The following TNKS variants were observed in gnomAD, a reference collection of about 807,000 sequenced individuals.
TNKS encodes tankyrase, also known as poly [ADP-ribose] polymerase tankyrase-1.
A neutral mutation model predicts 135.8 loss-of-function variants in TNKS; 72 were observed. The ratio of observed to expected loss-of-function variants is 0.53; its 90% CI spans 0.44 to 0.64. The LOEUF is 0.64. Ranked by LOEUF, TNKS falls within the 30% of genes least tolerant of loss-of-function variation. The probability of loss-of-function intolerance (pLI) is 0.00; values close to 1 mark genes in which losing one functional copy is unlikely to be tolerated. For synonymous variants in TNKS, 849 were observed against 649.3 expected, an observed-to-expected ratio of 1.31 and a Z score of -4.68; for missense variants, 1,769 against 1,674.0, an observed-to-expected ratio of 1.06 and a Z score of -0.99.
At chr8:9,670,167 A>G (rs1802209458) in intron 3 of TNKS, 2 of 152,344 alleles carry the variant, frequency 1.3e-5, no homozygotes, top group East Asian at 1.9e-4. Context: ...AATGTTTATT[A>G]TGATTTCAGA....
intron 5 of TNKS, among the ~76,000 whole-genome samples, chr8:9,692,238 C>T (rs185499324): frequency 4.6e-5 from 7 of 152,154 alleles, no homozygotes; most frequent in African/African-American, 1.7e-4. Context: ...GTTTTCCCAT[C>T]GTTGTGTTCA....
intron 25 of TNKS, among the ~76,000 whole-genome samples, chr8:9,766,694 C>A (rs1004081968): frequency 6.6e-6 from 1 of 152,050 alleles, no homozygotes; most frequent in Admixed American, 6.6e-5. Context: ...CCATGTTGGC[C>A]AAGCTGGTCT....
intron 3 of TNKS, among the ~76,000 whole-genome samples, chr8:9,634,902 G>A (rs1448771857): frequency 1.3e-5 from 2 of 152,202 alleles, no homozygotes; most frequent in Non-Finnish European, 2.9e-5. Context: ...GCTCGGCCGG[G>A]CGCGGTGGCT....
At chr8:9,714,313 A>G (rs1226353544) in intron 11 of TNKS, among the ~76,000 whole-genome samples, 3 of 141,994 alleles carry the variant, frequency 2.1e-5, no homozygotes, top group East Asian at 2.0e-4. Flanking sequence ...TGATATGTGA[A>G]GCAACCGCCC....
At chr8:9,648,325 C>T (rs1240081080) in intron 3 of TNKS, among the ~76,000 whole-genome samples, 1 of 152,018 alleles carries the variant, frequency 6.6e-6, no homozygotes, top group Non-Finnish European at 1.5e-5. Flanking sequence ...TAACACTTAG[C>T]ATAAAACACA....
intron 26 of TNKS, among the ~76,000 whole-genome samples, chr8:9,773,953 C>G (rs1808086688): frequency 6.6e-6 from 1 of 152,080 alleles, no homozygotes; most frequent in Non-Finnish European, 1.5e-5. Context: ...ATCTTTCACT[C>G]TTAATGTTTA....
At position 9,781,785 on chromosome 8, in the gene TNKS, G is replaced by A. The variant is rs559135594; in HGVS notation, c.*5049G>A. On this transcript the variant is annotated 3_prime_UTR_variant, in exon 27 of 27. Transcript: ENST00000310430. ...TTGGTCTGTGTGAGCAACCAGTGTA[G>A]TGACTCTTTGGTTCATTATTCGTGT... 6.5e-6 allele frequency: 1 copy of A among 152,744 alleles called. No individual in the cohort carries two copies. Among genetic ancestry groups the A allele is most frequent in the African/African-American group, 2.4e-5 (1 of 41,564 alleles). The allele number at this position is 152,744 out of a possible 1,614,324, so 9.5% of individuals were successfully genotyped here.
Position 9,709,961 on chromosome 8 carries a change from G to T in TNKS, c.1585G>T (p.Ala529Ser). 6.2e-7 allele frequency: 1 copy of T among 1,613,534 alleles called. No individual in the cohort carries two copies. Among genetic ancestry groups the T allele is most frequent in the African/African-American group, 1.3e-5 (1 of 75,038 alleles). Residue 529 changes from alanine to serine, a missense_variant, in exon 10 of 27, where the codon GCT (alanine) becomes TCT (serine). By Grantham distance (99) the Ala-to-Ser change is moderately conservative. Coordinates refer to ENST00000310430, the MANE Select transcript of TNKS (RefSeq NM_003747.3). Reference sequence around the variant, plus strand: ...GGTTTTGTTTACTTTATAGCACTGTGCTGTGGCCTCTCTGCATCCCAAACG... The same window carrying T: ...GGTTTTGTTTACTTTATAGCACTGTTCTGTGGCCTCTCTGCATCCCAAACG... Reference protein sequence around the residue: ...PQSHETALHCAVASLHPKRKQ... With the variant: ...PQSHETALHCSVASLHPKRKQ...
intron 19 of TNKS, 92 bp from the exon 20 acceptor site, chr8:9,752,452 A>C: frequency 3.6e-6 from 3 of 844,788 alleles, no homozygotes; most frequent in East Asian, 5.0e-5. Context: ...TCTGACAGCC[A>C]AGGTTGTCAG....
chr8:9,583,772 C>T (rs1798261109), intron 2 of TNKS, among the ~76,000 whole-genome samples: 1 of 151,630 alleles, frequency 6.6e-6, no homozygotes, highest in Non-Finnish European at 1.5e-5. Flanking sequence ...TAGGCGTGAG[C>T]CACCGCACCC....
chr8:9,691,811 T>G (rs971954177), intron 5 of TNKS, among the ~76,000 whole-genome samples: 1 of 152,204 alleles, frequency 6.6e-6, no homozygotes, highest in Non-Finnish European at 1.5e-5. Context: ...TTTATTTTAT[T>G]TAGTCATTGC....
chr8:9,661,491 C>T (rs964782518), intron 3 of TNKS, among the ~76,000 whole-genome samples: 142 of 152,000 alleles, frequency 9.3e-4, no homozygotes, highest in Non-Finnish European at 1.7e-3. Flanking sequence ...GGAAAGGATT[C>T]CCTATTTAAT....
At chr8:9,658,067 A>G (rs1801502671) in intron 3 of TNKS, among the ~76,000 whole-genome samples, 1 of 82,592 alleles carries the variant, frequency 1.2e-5, no homozygotes, top group Non-Finnish European at 2.5e-5. Context: ...GACGCTCCTC[A>G]CTTCCTAGAT....
rs188730134 is a variant in TNKS at position 9,655,828 on chromosome 8, C to G, written c.995-24123C>G. Among the ~76,000 whole-genome samples, 289 of 151,884 alleles carry G rather than the reference C, an allele frequency of 1.9e-3. 2 individuals carry two copies. The highest frequency in any genetic ancestry group is 6.7e-3 in the African/African-American group (279 of 41,404). On this transcript the variant is annotated intron_variant, in intron 3 of 26. Transcript: ENST00000310430. ...CAGAAAAACCAGAAACTCTAAAAAT[C>G]AAAGCGCCTCTCGTCCTCCAAAGGA...
Position 9,726,734 on chromosome 8 carries a change from C to T in TNKS, c.2001+14C>T, listed in dbSNP as rs1247750047. The T allele has an allele frequency of 6.2e-7, 1 of 1,601,852 alleles. No individual in the cohort carries two copies. The highest frequency in any genetic ancestry group is 8.5e-7 in the Non-Finnish European group (1 of 1,171,106). ...GAAACTGTGAAGGTAAGTCAGTGCCCTTAATATCTGGAATAGCACTGTTGA... is the reference window on the plus strand; with the variant it reads ...GAAACTGTGAAGGTAAGTCAGTGCCTTTAATATCTGGAATAGCACTGTTGA... On this transcript the variant is annotated intron_variant, in intron 13 of 26. Coordinates refer to ENST00000310430, the MANE Select transcript of TNKS (RefSeq NM_003747.3).
At chr8:9,587,939 T>C (rs1380169720) in intron 2 of TNKS, among the ~76,000 whole-genome samples, 1 of 152,226 alleles carries the variant, frequency 6.6e-6, no homozygotes, top group East Asian at 1.9e-4. Context: ...AACTGCTTTC[T>C]TGGAAATGCT....
chr8:9,761,412 T>C (rs1039014675), intron 20 of TNKS, 104 bp from the exon 21 acceptor site: 11 of 1,227,780 alleles, frequency 9.0e-6, no homozygotes, highest in African/African-American at 1.6e-5. Flanking sequence ...CAAAAGAATT[T>C]TCTTAATTTG....
Position 9,582,365 on chromosome 8 carries a change from A to G in TNKS, c.898+1982A>G, listed in dbSNP as rs896300156. 2.6e-4 allele frequency among the ~76,000 whole-genome samples: 39 copies of G among 151,732 alleles called. 1 individual carries two copies. The highest frequency in any genetic ancestry group is 7.5e-4 in the African/African-American group (31 of 41,280). On this transcript the variant is annotated intron_variant, in intron 2 of 26. Transcript: ENST00000310430. ...TTGCTGGAGTCTAGTAGTTTTTGAGAGATTAGTATACAAAATTGATTTTTA... is the reference window on the plus strand; with the variant it reads ...TTGCTGGAGTCTAGTAGTTTTTGAGGGATTAGTATACAAAATTGATTTTTA...
chr8:9,566,810 T>G (rs1054526568), intron 1 of TNKS, among the ~76,000 whole-genome samples: 201 of 151,352 alleles, frequency 1.3e-3, no homozygotes, highest in Admixed American at 9.2e-3. Flanking sequence ...GGGTTTCACC[T>G]TGTTAGCCAG....
Sources: gnomAD v4.1 joint callset for allele counts (sites outside exome capture counted in the v4.1 genomes callset) on GRCh38, gnomAD v4.1.1 for gene constraint, MANE v1.5 for transcripts, NCBI Gene and HGNC (gene_info 2026-07-23, HGNC 2026-07-21) for gene names.